The following GALNT13 variants were observed in gnomAD, a reference collection of about 807,000 sequenced individuals.
GALNT13 encodes the protein polypeptide N-acetylgalactosaminyltransferase 13, also known as UDP-GalNAc:polypeptide N-acetylgalactosaminyltransferase 13.
Under a neutral mutation model 64.2 loss-of-function variants are expected in GALNT13, and 28 were observed. That is an observed-to-expected ratio of 0.44 (90% CI 0.32 to 0.60). The LOEUF (loss-of-function observed/expected upper bound fraction) is 0.60. GALNT13 is among the 20% of genes least tolerant of loss of function. The pLI, the probability that GALNT13 is intolerant of heterozygous loss-of-function variation, is 0.05. For missense variants in GALNT13, 577 were observed against 669.8 expected (o/e 0.86, Z 1.53); for synonymous variants, 214 against 224.6 (o/e 0.95, Z 0.42).
chr2:153,919,611 A>C (rs1689619461), intron 2 of GALNT13, among the ~76,000 whole-genome samples: 1 of 152,018 alleles, frequency 6.6e-6, no homozygotes, highest in Non-Finnish European at 1.5e-5. Context: ...GGTTGGGAGC[A>C]TATTATGTAC....
At chr2:153,123,029 AG>A in the GALNT13 span, among the ~76,000 whole-genome samples, 1 of 152,266 alleles carries the variant, frequency 6.6e-6, no homozygotes, top group South Asian at 2.1e-4. Context: ...CAGAAGACCC[AG>A]GGGAGAATCC....
the GALNT13 span, among the ~76,000 whole-genome samples, chr2:153,162,845 G>A: frequency 6.6e-6 from 1 of 152,140 alleles, no homozygotes; most frequent in African/African-American, 2.4e-5. Flanking sequence ...AGAAAATGAG[G>A]TAATGTCATG....
At chr2:154,118,309 T>G (rs539905752) in intron 3 of GALNT13, among the ~76,000 whole-genome samples, 1 of 129,728 alleles carries the variant, frequency 7.7e-6, no homozygotes, top group Admixed American at 7.4e-5. Flanking sequence ...AATTTTTTAC[T>G]TAAAGTCTAT....
the GALNT13 span, among the ~76,000 whole-genome samples, chr2:153,687,719 T>TA: frequency 6.6e-6 from 1 of 152,072 alleles, no homozygotes; most frequent in Non-Finnish European, 1.5e-5. Context: ...TAGATCCAAG[T>TA]GGAATACACC....
chr2:153,220,718 C>T, the GALNT13 span, among the ~76,000 whole-genome samples: 11 of 152,136 alleles, frequency 7.2e-5, no homozygotes, highest in African/African-American at 2.4e-4. Flanking sequence ...CATAAACTCC[C>T]ACTCCTGCAC....
At chr2:153,535,178 C>T in the GALNT13 span, among the ~76,000 whole-genome samples, 6 of 151,638 alleles carry the variant, frequency 4.0e-5, no homozygotes, top group East Asian at 5.8e-4. Flanking sequence ...GAAACATTTG[C>T]CGTATAGAAT....
chr2:154,140,913 G>A (rs1364509299), intron 4 of GALNT13, among the ~76,000 whole-genome samples: 2 of 152,094 alleles, frequency 1.3e-5, no homozygotes, highest in Non-Finnish European at 2.9e-5. Flanking sequence ...AGCATCATAG[G>A]TGTACTTACA....
the GALNT13 span, among the ~76,000 whole-genome samples, chr2:153,177,821 C>A: frequency 6.6e-6 from 1 of 152,034 alleles, no homozygotes; most frequent in Non-Finnish European, 1.5e-5. Context: ...AGAAAAAACC[C>A]ATTATTCCTC....
the GALNT13 span, among the ~76,000 whole-genome samples, chr2:153,477,166 T>C: frequency 0.025 from 3,846 of 152,184 alleles, 43 homozygotes; most frequent in Middle Eastern, 0.061. Flanking sequence ...GGGCTCCTTC[T>C]CAGTCATCCC....
At chr2:153,321,063 A>T in the GALNT13 span, among the ~76,000 whole-genome samples, 1 of 152,176 alleles carries the variant, frequency 6.6e-6, no homozygotes, top group Non-Finnish European at 1.5e-5. Flanking sequence ...TGAGAACAGG[A>T]TATAAGTACT....
At chr2:153,684,766 T>A in the GALNT13 span, among the ~76,000 whole-genome samples, 1 of 151,852 alleles carries the variant, frequency 6.6e-6, no homozygotes, top group South Asian at 2.1e-4. Flanking sequence ...TTAAGCCTAG[T>A]ATCCATTAGT....
chr2:154,159,518 A>G (rs1684613063), intron 4 of GALNT13, among the ~76,000 whole-genome samples: 1 of 152,164 alleles, frequency 6.6e-6, no homozygotes, highest in African/African-American at 2.4e-5. Flanking sequence ...TAAATTAATA[A>G]ATGATGATAT....
At chr2:153,521,542 A>G in the GALNT13 span, among the ~76,000 whole-genome samples, 13 of 152,158 alleles carry the variant, frequency 8.5e-5, no homozygotes, top group Admixed American at 7.9e-4. Context: ...ATGACACATC[A>G]TTATCACCCA....
At chr2:153,693,238 C>T in the GALNT13 span, among the ~76,000 whole-genome samples, 1 of 152,092 alleles carries the variant, frequency 6.6e-6, no homozygotes, top group Non-Finnish European at 1.5e-5. Context: ...TTCTTGCAAG[C>T]CCCAATGGTA....
At chr2:153,300,366 C>T in the GALNT13 span, among the ~76,000 whole-genome samples, 1 of 151,900 alleles carries the variant, frequency 6.6e-6, no homozygotes, top group Admixed American at 6.6e-5. Context: ...AAAGGAATTG[C>T]AGAAGGGTGA....
intron 4 of GALNT13, among the ~76,000 whole-genome samples, chr2:154,231,090 T>C (rs1688890816): frequency 2.6e-5 from 4 of 152,074 alleles, no homozygotes; most frequent in Admixed American, 2.0e-4. Flanking sequence ...TAGCTTCACA[T>C]CATTTGACTT....
the GALNT13 span, among the ~76,000 whole-genome samples, chr2:153,338,217 C>T: frequency 6.6e-6 from 1 of 152,002 alleles, no homozygotes; most frequent in Non-Finnish European, 1.5e-5. Flanking sequence ...CAACTGAGCC[C>T]AGAAGATTGA....
intron 2 of GALNT13, among the ~76,000 whole-genome samples, chr2:153,935,392 A>AT (rs1230322186): frequency 6.6e-6 from 1 of 152,150 alleles, no homozygotes; most frequent in Admixed American, 6.6e-5. Flanking sequence ...TCCAATCAGG[A>AT]TTTTTTATTT....
intron 1 of GALNT13, among the ~76,000 whole-genome samples, chr2:153,898,336 T>A (rs532780369): frequency 1.3e-5 from 2 of 152,318 alleles, no homozygotes; most frequent in South Asian, 4.1e-4. Context: ...TTCCTCAGAA[T>A]GCCAGTCCAT....
Sources: allele counts gnomAD v4.1 joint callset (sites outside exome capture counted in the v4.1 genomes callset), GRCh38; gene constraint gnomAD v4.1.1; transcripts MANE v1.5; gene names NCBI Gene and HGNC (gene_info 2026-07-23, HGNC 2026-07-21).